The following PREP variants were observed in gnomAD, a reference collection of about 807,000 sequenced individuals.
The protein encoded by PREP is prolyl endopeptidase, also known as dJ355L5.1 (prolyl endopeptidase).
In PREP, 29 loss-of-function variants were observed where a neutral mutation model predicts 87.6. That is an observed-to-expected ratio of 0.33 (90% CI 0.25 to 0.45). The LOEUF is 0.45. PREP is among the 20% of genes least tolerant of loss of function. The pLI is 1.00. For missense variants in PREP, 695 were observed against 886.5 expected (o/e 0.78, Z 2.74); for synonymous variants, 337 against 328.6 (o/e 1.03, Z -0.28).
chr6:105,353,617 T>C (rs766432448), intron 6 of PREP, among the ~76,000 whole-genome samples: 6 of 151,426 alleles, frequency 4.0e-5, no homozygotes, highest in Non-Finnish European at 2.9e-5. Context: ...ACTAAAAATA[T>C]AAAAATTAGC....
At chr6:105,316,497 A>T (rs1333940370) in intron 10 of PREP, among the ~76,000 whole-genome samples, 1 of 152,256 alleles carries the variant, frequency 6.6e-6, no homozygotes, top group Non-Finnish European at 1.5e-5. Context: ...TGTGACAGAC[A>T]CGAACTGAGC....
chr6:105,394,712 GGAAGATGGCTGGAGCCCA>G (rs1773245004), intron 2 of PREP, among the ~76,000 whole-genome samples: 1 of 152,228 alleles, frequency 6.6e-6, no homozygotes, highest in African/African-American at 2.4e-5. Context: ...GGCTAAGGCA[GGAAGATGGCTGGAGCCCA>G]GAAGATGGCT....
At chr6:105,378,172 T>C (rs531519782) in intron 2 of PREP, among the ~76,000 whole-genome samples, 41 of 152,298 alleles carry the variant, frequency 2.7e-4, no homozygotes, top group Non-Finnish European at 4.0e-4. Flanking sequence ...TGAAAAAACA[T>C]TGGAGGCCAG....
Position 105,283,799 on chromosome 6 carries a change from T to C in PREP, c.1550-1217A>G, listed in dbSNP as rs116731996. ...AGTCTACTGTTAGCCTTAGTCAATC[T>C]TGAACCTGCCTAATCCCAAGACTGG... On this transcript the variant is annotated intron_variant, in intron 12 of 14. Coordinates refer to ENST00000652536, the MANE Select transcript of PREP (RefSeq NM_002726.5). 5.3e-3 allele frequency among the ~76,000 whole-genome samples: 814 copies of C among 152,326 alleles called. 6 individuals carry two copies. Among genetic ancestry groups the C allele is most frequent in the African/African-American group, 0.019 (773 of 41,556 alleles).
chr6:105,275,178 T>G lies in PREP; in HGVS notation c.*2966A>C, dbSNP rs1769909201. 6.6e-6 allele frequency among the ~76,000 whole-genome samples: 1 copy of G among 152,216 alleles called. No homozygotes were observed. Among genetic ancestry groups the G allele is most frequent in the Non-Finnish European group, 1.5e-5 (1 of 68,030 alleles). ...TTTCCAGCCTGTCCTTAACCTGCCT[T>G]TGAGTCTTTGCAACTCCTTCTGGGC... On this transcript the variant is annotated 3_prime_UTR_variant, in exon 15 of 15. Transcript: ENST00000652536.
At chr6:105,368,873 T>TG in intron 6 of PREP, 30 bp downstream of exon 6, 1 of 1,612,080 alleles carries the variant, frequency 6.2e-7, no homozygotes. Context: ...ACACAGTCTT[T>TG]GGGGGTAAAA....
At chr6:105,288,483 AG>A (rs1006638471) in intron 11 of PREP, among the ~76,000 whole-genome samples, 3 of 152,166 alleles carry the variant, frequency 2.0e-5, no homozygotes, top group African/African-American at 7.2e-5. Context: ...CCTCCTGAGT[AG>A]CTGGGATTAC....
intron 6 of PREP, among the ~76,000 whole-genome samples, chr6:105,356,867 C>T (rs1287210908): frequency 6.6e-6 from 1 of 152,190 alleles, no homozygotes; most frequent in Non-Finnish European, 1.5e-5. Flanking sequence ...TGCAAATGAA[C>T]ACAATTTGAA....
rs995732976 is a variant in PREP, at chr6:105,273,542, T to C, written c.*4602A>G. The C allele has an allele frequency of 6.6e-6, 1 of 152,208 alleles. No individual in the cohort carries two copies. Among genetic ancestry groups the C allele is most frequent in the Non-Finnish European group, 1.5e-5 (1 of 68,036 alleles). 9.4% of individuals were successfully genotyped at this position (152,208 alleles called of 1,614,324 possible). On this transcript the variant is annotated 3_prime_UTR_variant, in exon 15 of 15. Transcript: ENST00000652536. ...ATTTGTGTCTGGCTTCTTTCACTTA[T>C]AATGTTTTTGAGATTCATCCATGAT...
intron 1 of PREP, among the ~76,000 whole-genome samples, chr6:105,400,968 C>T (rs1460475934): frequency 6.7e-6 from 1 of 150,134 alleles, no homozygotes; most frequent in East Asian, 2.0e-4. Context: ...AACCTTAATG[C>T]AAAAAAAAAG....
intron 6 of PREP, among the ~76,000 whole-genome samples, chr6:105,359,516 T>C (rs1352443240): frequency 1.3e-5 from 2 of 152,220 alleles, no homozygotes; most frequent in African/African-American, 4.8e-5. Context: ...ATGTTTAACA[T>C]ATATTCAAGT....
In PREP at chr6:105,285,167, A is replaced by C. The variant is rs2273713; in HGVS notation, c.1549+319T>G. 8.2e-3 allele frequency among the ~76,000 whole-genome samples: 1,242 copies of C among 152,302 alleles called. 45 individuals are homozygous for C. In the East Asian group the frequency reaches 0.11, roughly 13 times the overall value. ...ACAAGAGACAGAATAAATACCAAAAAGCTCTCCGAGATTCACTCCTGACAG... is the reference window on the plus strand; with the variant it reads ...ACAAGAGACAGAATAAATACCAAAACGCTCTCCGAGATTCACTCCTGACAG... On this transcript the variant is annotated intron_variant, in intron 12 of 14. Coordinates refer to ENST00000652536, the MANE Select transcript of PREP (RefSeq NM_002726.5).
At chr6:105,321,751 A>T (rs1771015315) in intron 10 of PREP, among the ~76,000 whole-genome samples, 1 of 152,172 alleles carries the variant, frequency 6.6e-6, no homozygotes. Context: ...CAGACTCCAA[A>T]GGCAATTATA....
At position 105,333,448 on chromosome 6, in the gene PREP, G is replaced by A; in HGVS notation, c.881C>T (p.Thr294Ile). The change falls in exon 8 of 15, where the codon ACC (threonine) becomes ATC (isoleucine). Residue 294 changes from threonine to isoleucine, a missense_variant. Physicochemically the swap from Thr to Ile is moderately conservative, Grantham distance 89. Around this residue, in one of 5 missense-constraint regions of PREP, gnomAD observed 517 missense variants for 620.3 expected, o/e 0.83. Coordinates refer to ENST00000652536, the MANE Select transcript of PREP (RefSeq NM_002726.5). Reference protein sequence around the residue: ...DNFEGEYDYVTNEGTVFTFKT... With the variant: ...DNFEGEYDYVINEGTVFTFKT... ...GAATGTGAACACCGTCCCCTCATTGGTCACGTAGTCATATTCCCCTTCAAA... is the reference window on the plus strand; with the variant it reads ...GAATGTGAACACCGTCCCCTCATTGATCACGTAGTCATATTCCCCTTCAAA... The A allele has an allele frequency of 6.2e-7, 1 of 1,614,164 alleles. No homozygotes were observed. The highest frequency in any genetic ancestry group is 8.5e-7 in the Non-Finnish European group (1 of 1,180,022).
At chr6:105,373,297 C>A in intron 5 of PREP, 72 bp downstream of exon 5, 2 of 1,475,774 alleles carry the variant, frequency 1.4e-6, no homozygotes, top group Admixed American at 1.7e-5. Context: ...TAGGGTTCAG[C>A]ATCTCTTTTC....
At chr6:105,370,302 C>CAAAAAA (rs71549435) in intron 5 of PREP, among the ~76,000 whole-genome samples, 2 of 78,024 alleles carry the variant, frequency 2.6e-5, no homozygotes, top group Admixed American at 1.6e-4. Context: ...GACTCCATCT[C>CAAAAAA]AAAAAAAAAA....
chr6:105,327,555 T>C (rs941280278), intron 9 of PREP, among the ~76,000 whole-genome samples: 15 of 152,208 alleles, frequency 9.9e-5, no homozygotes, highest in Admixed American at 7.2e-4. Context: ...AGATTCCTTA[T>C]GGATTGCCTG....
intron 10 of PREP, among the ~76,000 whole-genome samples, chr6:105,299,597 T>C (rs1770489001): frequency 6.6e-6 from 1 of 151,858 alleles, no homozygotes; most frequent in South Asian, 2.1e-4. Flanking sequence ...AGACTCTGTC[T>C]TTAAAAAAAA....
chr6:105,328,790 G>C, intron 9 of PREP, 39 bp downstream of exon 9: 2 of 1,599,332 alleles, frequency 1.3e-6, no homozygotes, highest in Non-Finnish European at 1.7e-6. Context: ...ACACCAGTCG[G>C]ATTTTTAAAG....
Sources: allele counts gnomAD v4.1 joint callset (sites outside exome capture counted in the v4.1 genomes callset), GRCh38; gene constraint gnomAD v4.1.1; regional missense constraint gnomAD v4.1.1; transcripts MANE v1.5; gene names NCBI Gene and HGNC (gene_info 2026-07-23, HGNC 2026-07-21).